MTUS2: variants seen among roughly 807,000 people sequenced by gnomAD.
The protein encoded by MTUS2 is microtubule associated scaffold protein 2.
Under a neutral mutation model 114.1 loss-of-function variants are expected in MTUS2, and 40 were observed. That is an observed-to-expected ratio of 0.35 (90% CI 0.27 to 0.46). The LOEUF (loss-of-function observed/expected upper bound fraction) is 0.46, where lower values mean the gene tolerates loss of function less well. Among genes scored for constraint, MTUS2 ranks in the 20% least tolerant of loss-of-function variants. The pLI is 1.00. For missense variants in MTUS2, 1,679 were observed against 1,705.4 expected, an observed-to-expected ratio of 0.98 and a Z score of 0.27; for synonymous variants, 688 against 672.0, an observed-to-expected ratio of 1.02 and a Z score of -0.37.
chr13:29,218,279 A>G (rs1367101789), intron 5 of MTUS2, among the ~76,000 whole-genome samples: 1 of 72,544 alleles, frequency 1.4e-5, no homozygotes, highest in Non-Finnish European at 3.2e-5. Context: ...TTGTATCATA[A>G]AATTGCAACA....
At position 29,135,732 on chromosome 13, in the gene MTUS2, A is replaced by T. The variant is rs995574624; in HGVS notation, c.2644+34762A>T. Among the ~76,000 whole-genome samples the T allele has an allele frequency of 2.0e-5, 3 of 152,050 alleles. No homozygotes were observed. The South Asian group carries it at 6.2e-4, about 32-fold the overall frequency. On this transcript the variant is annotated intron_variant, in intron 5 of 15. Transcript: ENST00000612955. ...ATTTTGAGATTACCATTGAGATTAC[A>T]TTTAACATCCTAAAGTTATAACACT...
intron 2 of MTUS2, among the ~76,000 whole-genome samples, chr13:28,925,393 G>C (rs1378534973): frequency 6.6e-6 from 1 of 152,204 alleles, no homozygotes; most frequent in African/African-American, 2.4e-5. Context: ...GATGCTAGTA[G>C]ATATGTGGAC....
chr13:28,968,795 T>C (rs1207897133), intron 2 of MTUS2, among the ~76,000 whole-genome samples: 1 of 152,230 alleles, frequency 6.6e-6, no homozygotes, highest in African/African-American at 2.4e-5. Context: ...TTTCATAATT[T>C]GTTTCTAAAA....
At chr13:29,217,393 G>A (rs767085403) in intron 5 of MTUS2, among the ~76,000 whole-genome samples, 1 of 152,154 alleles carries the variant, frequency 6.6e-6, no homozygotes, top group African/African-American at 2.4e-5. Flanking sequence ...TGCTATAAAG[G>A]TGAGTCATAG....
chr13:29,462,192 G>C (rs574438143), intron 9 of MTUS2, among the ~76,000 whole-genome samples: 5 of 152,312 alleles, frequency 3.3e-5, no homozygotes, highest in African/African-American at 1.2e-4. Context: ...TTGTTGGTCT[G>C]GGGATCCTCT....
intron 5 of MTUS2, among the ~76,000 whole-genome samples, chr13:29,229,476 A>G (rs1462460595): frequency 3.9e-5 from 6 of 152,216 alleles, no homozygotes; most frequent in Non-Finnish European, 7.3e-5. Context: ...AAGTAGCTAT[A>G]TTATTAACGA....
chr13:29,471,741 A>ACCCCCCCCCCCCCC (rs1880316161), intron 9 of MTUS2, among the ~76,000 whole-genome samples: 1 of 120,874 alleles, frequency 8.3e-6, no homozygotes, highest in Admixed American at 8.0e-5. Context: ...CTGCAGGCCC[A>ACCCCCCCCCCCCCC]GCCCCCCCCG....
chr13:29,205,492 T>C (rs942567074), intron 5 of MTUS2, among the ~76,000 whole-genome samples: 7 of 152,168 alleles, frequency 4.6e-5, no homozygotes, highest in African/African-American at 1.4e-4. Flanking sequence ...ATTTCTGAGG[T>C]TTTGGTGCAC....
intron 2 of MTUS2, among the ~76,000 whole-genome samples, chr13:28,879,387 G>A (rs1268799134): frequency 1.3e-5 from 2 of 152,188 alleles, no homozygotes; most frequent in South Asian, 2.1e-4. Flanking sequence ...CCAGTGGGAA[G>A]CAATTTAATT....
intron 8 of MTUS2, among the ~76,000 whole-genome samples, chr13:29,406,271 G>A (rs6490406): frequency 0.48 from 72,692 of 151,806 alleles, 18,562 homozygotes; most frequent in African/African-American, 0.66. Context: ...ACTGAGGGTC[G>A]GGTATCTGGG....
At chr13:29,282,287 G>C (rs1253906523) in intron 6 of MTUS2, among the ~76,000 whole-genome samples, 2 of 152,212 alleles carry the variant, frequency 1.3e-5, no homozygotes, top group Non-Finnish European at 2.9e-5. Context: ...GCTCCTGCTG[G>C]CTCTAGGCTC....
intron 8 of MTUS2, among the ~76,000 whole-genome samples, chr13:29,403,632 C>G (rs561435146): frequency 6.6e-6 from 1 of 152,312 alleles, no homozygotes; most frequent in Non-Finnish European, 1.5e-5. Flanking sequence ...CTGGTTCTAC[C>G]TGACTGCCTG....
At chr13:29,022,147 G>C (rs1439650351) in intron 2 of MTUS2, among the ~76,000 whole-genome samples, 1 of 152,150 alleles carries the variant, frequency 6.6e-6, no homozygotes, top group Non-Finnish European at 1.5e-5. Flanking sequence ...TGGGGTATGG[G>C]CTAGAAGAGG....
intron 2 of MTUS2, among the ~76,000 whole-genome samples, chr13:28,945,687 G>T (rs890945587): frequency 7.2e-5 from 11 of 152,052 alleles, no homozygotes; most frequent in Non-Finnish European, 1.3e-4. Flanking sequence ...GTGTTTTGTT[G>T]TTGTTGTTGA....
intron 5 of MTUS2, among the ~76,000 whole-genome samples, chr13:29,245,694 A>ATT (rs34670074): frequency 0.18 from 22,216 of 125,490 alleles, 2,606 homozygotes; most frequent in Middle Eastern, 0.24. Flanking sequence ...ATCTATTTTA[A>ATT]TTTTTTTTTT....
At chr13:29,434,366 G>T (rs1258705489) in intron 8 of MTUS2, among the ~76,000 whole-genome samples, 1 of 152,132 alleles carries the variant, frequency 6.6e-6, no homozygotes, top group Non-Finnish European at 1.5e-5. Context: ...GCTGCTCTCA[G>T]TTTAAATCTC....
At chr13:29,282,875 G>T (rs1360486608) in intron 6 of MTUS2, among the ~76,000 whole-genome samples, 1 of 152,064 alleles carries the variant, frequency 6.6e-6, no homozygotes, top group Non-Finnish European at 1.5e-5. Context: ...GCAATGGTAG[G>T]GCTCATTCTT....
chr13:29,037,062 C>T (rs1887113140), intron 4 of MTUS2, among the ~76,000 whole-genome samples: 1 of 152,102 alleles, frequency 6.6e-6, no homozygotes, highest in Admixed American at 6.5e-5. Context: ...ATGATGCTGG[C>T]TGGTTATTTT....
chr13:29,083,315 A>G (rs1889529017), intron 4 of MTUS2, among the ~76,000 whole-genome samples: 1 of 152,190 alleles, frequency 6.6e-6, no homozygotes, highest in South Asian at 2.1e-4. Context: ...AATGTCATCA[A>G]TATAATGTCA....
Sources: allele counts gnomAD v4.1 joint callset (sites outside exome capture counted in the v4.1 genomes callset), GRCh38; gene constraint gnomAD v4.1.1; transcripts MANE v1.5; gene names NCBI Gene and HGNC (gene_info 2026-07-23, HGNC 2026-07-21).